Variants in STK39 observed in about 807,000 individuals in gnomAD.
STK39 encodes the protein serine/threonine kinase 39.
A neutral mutation model predicts 77.8 loss-of-function variants in STK39; 20 were observed. The observed-to-expected ratio is 0.26, with a 90% CI of 0.18 to 0.37. STK39 has a LOEUF of 0.37. STK39 is among the 10% of genes least tolerant of loss of function. STK39 has a pLI of 1.00. For synonymous variants in STK39, 246 were observed against 234.1 expected (o/e 1.05, Z -0.47); for missense variants, 479 against 656.5 (o/e 0.73, Z 2.95).
intron 16 of STK39, among the ~76,000 whole-genome samples, chr2:168,002,158 T>C (rs1264989359): frequency 6.6e-6 from 1 of 152,236 alleles, no homozygotes; most frequent in Non-Finnish European, 1.5e-5. Context: ...CAGGTCTTAA[T>C]TGGATTCTAT....
intron 14 of STK39, among the ~76,000 whole-genome samples, chr2:168,050,026 C>G (rs1041061136): frequency 6.6e-6 from 1 of 152,212 alleles, no homozygotes; most frequent in Non-Finnish European, 1.5e-5. Flanking sequence ...TCCCTCTTAT[C>G]AGCTGAAAGG....
intron 1 of STK39, among the ~76,000 whole-genome samples, chr2:168,236,390 A>G (rs983191478): frequency 3.3e-5 from 5 of 152,058 alleles, no homozygotes; most frequent in Admixed American, 1.3e-4. Context: ...ATTTTCTCCC[A>G]TTCTGTAGGT....
chr2:168,171,865 C>CA (rs200877138), intron 2 of STK39, among the ~76,000 whole-genome samples: 8,084 of 110,702 alleles, frequency 0.073, 550 homozygotes, highest in African/African-American at 0.2. Flanking sequence ...TCCCCCCTCC[C>CA]CCCCACACAC....
At chr2:168,068,503 C>A in intron 12 of STK39, among the ~76,000 whole-genome samples, 1 of 152,162 alleles carries the variant, frequency 6.6e-6, no homozygotes, top group East Asian at 1.9e-4. Flanking sequence ...TTGACAGTCA[C>A]ATGGCAGCGC....
intron 1 of STK39, 36 bp from the exon 2 acceptor site, chr2:168,182,126 G>C (rs771721215): frequency 2.6e-6 from 4 of 1,548,918 alleles, no homozygotes; most frequent in Non-Finnish European, 3.6e-6. Flanking sequence ...GCGATCAAAT[G>C]GCACACTGTG....
chr2:168,127,434 C>G (rs1265170812), intron 10 of STK39, among the ~76,000 whole-genome samples: 1 of 152,144 alleles, frequency 6.6e-6, no homozygotes, highest in Non-Finnish European at 1.5e-5. Context: ...CAGGTGTGAG[C>G]CACCACACCC....
At chr2:168,105,292 C>G (rs1295757944) in intron 10 of STK39, among the ~76,000 whole-genome samples, 1 of 152,190 alleles carries the variant, frequency 6.6e-6, no homozygotes, top group African/African-American at 2.4e-5. Context: ...CTCCTCCAAC[C>G]TAATCTTCAC....
At chr2:168,041,865 T>C (rs769956644) in intron 14 of STK39, among the ~76,000 whole-genome samples, 2 of 152,166 alleles carry the variant, frequency 1.3e-5, no homozygotes, top group Non-Finnish European at 2.9e-5. Flanking sequence ...GGAGTGTCAA[T>C]CTAAGAAAAA....
rs987414605 is a variant in STK39, at chr2:167,954,035, C to G, written c.*1461G>C. ...TGCAAAACAATCTCATTGTGCAATACACTTTTATTTTCCTTTTACCTTTGC... is the reference window on the plus strand; with the variant it reads ...TGCAAAACAATCTCATTGTGCAATAGACTTTTATTTTCCTTTTACCTTTGC... On this transcript the variant is annotated 3_prime_UTR_variant, in exon 18 of 18. Transcript: ENST00000355999. 2.0e-5 allele frequency: 3 copies of G among 152,638 alleles called. No homozygotes were observed. The highest frequency in any genetic ancestry group is 1.3e-4 in the Admixed American group (2 of 15,278). 9.5% of individuals were successfully genotyped at this position (152,638 alleles called of 1,614,324 possible).
chr2:168,013,482 C>T (rs528408715), intron 15 of STK39, among the ~76,000 whole-genome samples: 62 of 152,290 alleles, frequency 4.1e-4, no homozygotes, highest in African/African-American at 1.5e-3. Context: ...CTGTTATAAG[C>T]CCCCACGTTT....
rs538582769 is a variant in STK39, at chr2:168,134,287, C to T, written c.974+3801G>A. On this transcript the variant is annotated intron_variant, in intron 8 of 17. Transcript: ENST00000355999. ...AATCTCTTAAAGGATTCAGCTAATG[C>T]ATATGGATGAACCAAAGTCCACTGA... 7.9e-5 allele frequency among the ~76,000 whole-genome samples: 12 copies of T among 152,254 alleles called. No homozygotes were observed. In the South Asian group the frequency reaches 2.3e-3, roughly 29 times the overall value.
intron 14 of STK39, among the ~76,000 whole-genome samples, chr2:168,045,665 C>T (rs1361934604): frequency 2.0e-5 from 3 of 152,116 alleles, no homozygotes; most frequent in African/African-American, 7.2e-5. Flanking sequence ...TCCTGTCACC[C>T]TAGCACTGTT....
chr2:168,211,931 G>A (rs1012737234), intron 1 of STK39, among the ~76,000 whole-genome samples: 3 of 152,176 alleles, frequency 2.0e-5, no homozygotes, highest in Non-Finnish European at 2.9e-5. Context: ...ATGGAGAGGT[G>A]GTGGTTAACT....
rs112572067 is a variant in STK39, at chr2:168,223,643, C to G, written c.208+23585G>C. On this transcript the variant is annotated intron_variant, in intron 1 of 17. Coordinates refer to ENST00000355999, the MANE Select transcript of STK39 (RefSeq NM_013233.3). Reference sequence around the variant, plus strand: ...CAAGGGTGACAGCTTTGCAAACAGCCAAGACTAGGTTCAGATCCAGCTGCG... The same window carrying G: ...CAAGGGTGACAGCTTTGCAAACAGCGAAGACTAGGTTCAGATCCAGCTGCG... Among the ~76,000 whole-genome samples, 123 of 152,162 alleles carry G rather than the reference C, an allele frequency of 8.1e-4. 4 individuals are homozygous for G. Among genetic ancestry groups the G allele is most frequent in the African/African-American group, 2.7e-3 (112 of 41,490 alleles).
chr2:168,054,328 A>T lies in STK39; in HGVS notation c.1376+9172T>A, dbSNP rs549055711. ...TTGTGAGCTTTACGGTGTTAAACAA[A>T]TTATTTCATGACTTTAAACCTTAAT... On this transcript the variant is annotated intron_variant, in intron 14 of 17. Coordinates refer to ENST00000355999, the MANE Select transcript of STK39 (RefSeq NM_013233.3). 2.6e-5 allele frequency among the ~76,000 whole-genome samples: 4 copies of T among 152,344 alleles called. No homozygotes were observed. The South Asian group carries it at 8.3e-4, about 32-fold the overall frequency.
intron 1 of STK39, among the ~76,000 whole-genome samples, chr2:168,189,594 T>C (rs1036281380): frequency 2.6e-5 from 4 of 152,204 alleles, no homozygotes; most frequent in South Asian, 2.1e-4. Context: ...ATGAGTTGCA[T>C]GTGTGAGATA....
intron 14 of STK39, among the ~76,000 whole-genome samples, chr2:168,046,470 C>T (rs1186291528): frequency 1.3e-5 from 2 of 152,220 alleles, no homozygotes; most frequent in South Asian, 2.1e-4. Context: ...ACACCTACCC[C>T]CGTGTCTTGG....
intron 14 of STK39, among the ~76,000 whole-genome samples, chr2:168,055,117 A>G (rs1685490540): frequency 6.6e-6 from 1 of 152,222 alleles, no homozygotes; most frequent in Non-Finnish European, 1.5e-5. Flanking sequence ...AGCACTGCAT[A>G]ACTGAACACT....
At chr2:168,099,601 A>T (rs1454619865) in intron 10 of STK39, among the ~76,000 whole-genome samples, 1 of 152,234 alleles carries the variant, frequency 6.6e-6, no homozygotes, top group Non-Finnish European at 1.5e-5. Context: ...TGTAAGTTAA[A>T]CATACATGTT....
Sources: allele counts gnomAD v4.1 joint callset (sites outside exome capture counted in the v4.1 genomes callset), GRCh38; gene constraint gnomAD v4.1.1; transcripts MANE v1.5; gene names NCBI Gene and HGNC (gene_info 2026-07-23, HGNC 2026-07-21).